The following ACTN1 variants were observed in gnomAD, a reference collection of about 807,000 sequenced individuals.
The protein encoded by ACTN1 is actinin alpha 1, also known as alpha-actinin-1.
A neutral mutation model predicts 119.6 loss-of-function variants in ACTN1; 30 were observed. That is an observed-to-expected ratio of 0.25 (90% confidence interval 0.19 to 0.34). The LOEUF is 0.34. Ranked by LOEUF, ACTN1 falls within the 10% of genes least tolerant of loss-of-function variation. ACTN1 has a pLI of 1.00. For synonymous variants in ACTN1, 429 were observed against 472.6 expected (o/e 0.91, Z 1.20); for missense variants, 764 against 1,223.4 (o/e 0.62, Z 5.60).
chr14:68,910,951 T>C (rs2033972432), intron 4 of ACTN1, among the ~76,000 whole-genome samples: 1 of 152,124 alleles, frequency 6.6e-6, no homozygotes, highest in Non-Finnish European at 1.5e-5. Context: ...GAACTGTGAG[T>C]CCATTAAACC....
intron 1 of ACTN1, among the ~76,000 whole-genome samples, chr14:68,944,154 A>T (rs2035854052): frequency 1.3e-5 from 2 of 152,206 alleles, no homozygotes; most frequent in Non-Finnish European, 2.9e-5. Context: ...AGAATGGGCC[A>T]GCAGGTTTTT....
At chr14:68,972,686 C>T (rs1376872079) in intron 1 of ACTN1, among the ~76,000 whole-genome samples, 1 of 152,182 alleles carries the variant, frequency 6.6e-6, no homozygotes, top group Non-Finnish European at 1.5e-5. Context: ...GTTGTATAAG[C>T]GGCAGAGCAA....
chr14:68,910,059 G>A lies in ACTN1; in HGVS notation c.428-17C>T, dbSNP rs753170155. ...CTGAAGTCTCTATGGGGAAGGGGAT[G>A]GGCAGCGAGGTCAGAGGGCTGACTC... On this transcript the variant is annotated splice_polypyrimidine_tract_variant and intron_variant, in intron 4 of 21. Transcript: ENST00000394419. The A allele has an allele frequency of 1.9e-6, 3 of 1,607,442 alleles. No homozygotes were observed. Among genetic ancestry groups the A allele is most frequent in the South Asian group, 2.2e-5 (2 of 90,792 alleles).
At chr14:68,921,264 C>T in intron 2 of ACTN1, 139 bp from the exon 3 acceptor site, 1 of 1,073,712 alleles carries the variant, frequency 9.3e-7, no homozygotes, top group Non-Finnish European at 1.3e-6. Flanking sequence ...TGTGTGCTCA[C>T]ACGCTGCTCA....
chr14:68,884,626 A>C (rs1318283649), intron 13 of ACTN1, 149 bp downstream of exon 13: 4 of 731,722 alleles, frequency 5.5e-6, no homozygotes, highest in Middle Eastern at 3.0e-4. Context: ...TCCTGTGCCA[A>C]AGTGAATCTT....
At chr14:68,933,710 A>G (rs1482579477) in intron 1 of ACTN1, among the ~76,000 whole-genome samples, 5 of 151,672 alleles carry the variant, frequency 3.3e-5, no homozygotes, top group Admixed American at 3.3e-4. Flanking sequence ...TGCTGGGTGT[A>G]GTGGCTTATG....
chr14:68,904,259 G>A (rs555450345), intron 7 of ACTN1, among the ~76,000 whole-genome samples: 14 of 152,286 alleles, frequency 9.2e-5, no homozygotes, highest in African/African-American at 3.4e-4. Context: ...AAGCTCAGCT[G>A]TCCAGAGACC....
chr14:68,940,772 C>T (rs1004421142), intron 1 of ACTN1, among the ~76,000 whole-genome samples: 2 of 152,108 alleles, frequency 1.3e-5, no homozygotes, highest in African/African-American at 2.4e-5. Flanking sequence ...TGCCTAGATT[C>T]CAAACCCCTG....
In ACTN1 at chr14:68,885,672, G is replaced by C. The variant is rs879155101; in HGVS notation, c.1235-97C>G. 1.4e-6 allele frequency: 2 copies of C among 1,413,910 alleles called. No homozygotes were observed. The highest frequency in any genetic ancestry group is 2.6e-5 in the South Asian group (2 of 76,818). The allele number at this position is 1,413,910 out of a possible 1,614,324, so 87.6% of individuals were successfully genotyped here. On this transcript the variant is annotated intron_variant, in intron 11 of 21. Coordinates refer to ENST00000394419, the MANE Select transcript of ACTN1 (RefSeq NM_001130004.2). The surrounding 1 kb of genome is among the most constrained non-coding windows in gnomAD (Gnocchi z 5.6). ...CAGGGCCCCAGGAGCTCCACTTCTG[G>C]GGGTGCTTCTCAAGGAGGTGCCCAT...
Position 68,909,221 on chromosome 14 carries a change from C to A in ACTN1, c.594+97G>T. 1.6e-6 allele frequency: 2 copies of A among 1,250,186 alleles called. No homozygotes were observed. Among genetic ancestry groups the A allele is most frequent in the Non-Finnish European group, 2.3e-6 (2 of 861,180 alleles). 77.4% of individuals were successfully genotyped at this position (1,250,186 alleles called of 1,614,324 possible). On this transcript the variant is annotated intron_variant, in intron 6 of 21. Transcript: ENST00000394419. This position sits in a 1 kb window ranked among gnomAD's most constrained non-coding sequence, Gnocchi z 4.1. Reference sequence around the variant, plus strand: ...TTCTAAGAGGCCAACACTGCTCAGGCTGGACCATGGACTGTCACAACAAGG... The same window carrying A: ...TTCTAAGAGGCCAACACTGCTCAGGATGGACCATGGACTGTCACAACAAGG...
intron 3 of ACTN1, among the ~76,000 whole-genome samples, chr14:68,920,180 A>G (rs2034562394): frequency 1.3e-5 from 2 of 152,254 alleles, no homozygotes; most frequent in Admixed American, 6.5e-5. Context: ...TGGCAAAATC[A>G]GGATAATTAA....
intron 9 of ACTN1, among the ~76,000 whole-genome samples, chr14:68,892,588 G>T (rs903081193): frequency 8.5e-5 from 13 of 152,212 alleles, no homozygotes; most frequent in Admixed American, 5.2e-4. Context: ...CAACTAAAAG[G>T]CAGGAAGGAA....
intron 1 of ACTN1, among the ~76,000 whole-genome samples, chr14:68,932,653 C>T (rs934011381): frequency 6.6e-5 from 10 of 151,762 alleles, no homozygotes; most frequent in African/African-American, 2.4e-4. Flanking sequence ...GCGTGAGCCA[C>T]TGCACCTGGT....
chr14:68,968,356 A>G (rs753455488), intron 1 of ACTN1, among the ~76,000 whole-genome samples: 1 of 152,264 alleles, frequency 6.6e-6, no homozygotes, highest in African/African-American at 2.4e-5. Context: ...GGAACTCAGC[A>G]GTCTCAGCCA....
At chr14:68,892,396 A>G in intron 9 of ACTN1, 113 bp from the exon 10 acceptor site, 1 of 1,062,656 alleles carries the variant, frequency 9.4e-7, no homozygotes, top group African/African-American at 1.6e-5. Flanking sequence ...GGTCTCTCCT[A>G]ATAGCACACT....
rs761466378 is a variant in ACTN1, at chr14:68,925,670, T to A, written c.108A>T (p.Thr36=). The A allele has an allele frequency of 4.3e-6, 7 of 1,610,130 alleles. No homozygotes were observed. The highest frequency in any genetic ancestry group is 5.9e-6 in the Non-Finnish European group (7 of 1,177,932). Residue 36 remains threonine (T), a splice_region_variant and synonymous_variant, in exon 2 of 22, where the codon ACA becomes ACT. Coordinates refer to ENST00000394419, the MANE Select transcript of ACTN1 (RefSeq NM_001130004.2). This position sits in a 1 kb window ranked among gnomAD's most constrained non-coding sequence, Gnocchi z 4.3. ...DPAWEKQQRK[T]FTAWCNSHLR... is the part of the protein sequence containing the mutation. ...GGTGGGAGTTACACCATGCCGTGAA[T>A]GTCTGGGCAGAGACAAGAAGGGCAA...
chr14:68,918,194 G>A (rs1412143476), intron 3 of ACTN1, among the ~76,000 whole-genome samples: 1 of 152,236 alleles, frequency 6.6e-6, no homozygotes, highest in Non-Finnish European at 1.5e-5. Flanking sequence ...AGTGAGATGA[G>A]AGTTCACGCC....
Position 68,879,142 on chromosome 14 carries a change from G to T in ACTN1, c.2281-73C>A. 1 of 1,459,248 alleles carries T rather than the reference G, an allele frequency of 6.9e-7. No individual in the cohort carries two copies. Among genetic ancestry groups the T allele is most frequent in the Non-Finnish European group, 9.2e-7 (1 of 1,086,386 alleles). The allele number at this position is 1,459,248 out of a possible 1,614,324, so 90.4% of individuals were successfully genotyped here. ...TGGAGCCGTGAGGGGGGCATGCCCC[G>T]GGGGAGGGTGGCGTGTGTGGGGAGA... On this transcript the variant is annotated intron_variant, in intron 18 of 21. Coordinates refer to ENST00000394419, the MANE Select transcript of ACTN1 (RefSeq NM_001130004.2). This position sits in a 1 kb window ranked among gnomAD's most constrained non-coding sequence, Gnocchi z 4.9.
chr14:68,965,386 G>C (rs564975915), intron 1 of ACTN1, among the ~76,000 whole-genome samples: 2 of 152,250 alleles, frequency 1.3e-5, no homozygotes, highest in Non-Finnish European at 2.9e-5. Flanking sequence ...GCAGATTCCA[G>C]GCTGAAAGCC....
Sources: allele counts gnomAD v4.1 joint callset (sites outside exome capture counted in the v4.1 genomes callset), GRCh38; gene constraint gnomAD v4.1.1; non-coding constraint Gnocchi (gnomAD v3.1); transcripts MANE v1.5; gene names NCBI Gene and HGNC (gene_info 2026-07-23, HGNC 2026-07-21).